GADL1: variants seen among roughly 807,000 people sequenced by gnomAD.
The protein encoded by GADL1 is GAD like acidic amino acid decarboxylase 1, also known as acidic amino acid decarboxylase GADL1.
A neutral mutation model predicts 69.5 loss-of-function variants in GADL1; 71 were observed. That is an observed-to-expected ratio of 1.02 (90% CI 0.84 to 1.25). The LOEUF (loss-of-function observed/expected upper bound fraction) is 1.25. GADL1 is among the 50% of genes most tolerant of loss of function. The probability of loss-of-function intolerance (pLI) is 0.00; values close to 1 mark genes in which losing one functional copy is unlikely to be tolerated. For synonymous variants in GADL1, 254 were observed against 214.4 expected (o/e 1.18, Z -1.62); for missense variants, 737 against 631.8 (o/e 1.17, Z -1.79).
At chr3:30,877,610 T>A (rs933186702) in intron 1 of GADL1, among the ~76,000 whole-genome samples, 2 of 151,896 alleles carry the variant, frequency 1.3e-5, no homozygotes, top group African/African-American at 2.4e-5. Context: ...AAAAATCAGA[T>A]ACATCATAAA....
intron 1 of GADL1, among the ~76,000 whole-genome samples, chr3:30,867,425 T>TA (rs773506016): frequency 7.0e-6 from 1 of 141,856 alleles, no homozygotes; most frequent in Non-Finnish European, 1.5e-5. Flanking sequence ...CAATACTACA[T>TA]ATATATATAT....
intron 13 of GADL1, chr3:30,779,205 A>G (rs891127254): frequency 6.6e-6 from 1 of 152,226 alleles, no homozygotes; most frequent in Non-Finnish European, 1.5e-5. Flanking sequence ...GATCTGGGAC[A>G]TTATGTTGGG....
intron 9 of GADL1, among the ~76,000 whole-genome samples, chr3:30,837,550 GC>G (rs756960469): frequency 6.6e-6 from 1 of 152,044 alleles, no homozygotes; most frequent in Non-Finnish European, 1.5e-5. Flanking sequence ...TTTTCTCTAA[GC>G]CCCATAAATC....
intron 12 of GADL1, chr3:30,797,681 G>GT (rs1697071952): frequency 4.1e-5 from 5 of 121,742 alleles, no homozygotes; most frequent in Non-Finnish European, 9.6e-5. Context: ...TTTTTTTTTT[G>GT]TTTTTTAAAC....
chr3:30,801,795 T>C (rs762470183), intron 11 of GADL1, among the ~76,000 whole-genome samples: 1 of 152,220 alleles, frequency 6.6e-6, no homozygotes, highest in Admixed American at 6.5e-5. Flanking sequence ...GTTGAAGCCA[T>C]GTTGTCTTCA....
At chr3:30,804,377 G>A (rs1051404662) in intron 11 of GADL1, among the ~76,000 whole-genome samples, 15 of 152,266 alleles carry the variant, frequency 9.9e-5, no homozygotes, top group African/African-American at 3.4e-4. Context: ...TTCTGCTGGT[G>A]GTGCTACTAA....
intron 12 of GADL1, among the ~76,000 whole-genome samples, chr3:30,791,378 A>G (rs1696910428): frequency 6.6e-6 from 1 of 152,156 alleles, no homozygotes; most frequent in African/African-American, 2.4e-5. Flanking sequence ...GAAGATTCTA[A>G]TTGTGCAGCT....
At chr3:30,810,112 T>C (rs769537598) in intron 11 of GADL1, among the ~76,000 whole-genome samples, 4 of 152,162 alleles carry the variant, frequency 2.6e-5, no homozygotes, top group Admixed American at 6.5e-5. Flanking sequence ...CATTTTGACA[T>C]CTCCTTTCCT....
intron 13 of GADL1, among the ~76,000 whole-genome samples, chr3:30,783,884 T>TA: frequency 6.6e-6 from 1 of 152,116 alleles, no homozygotes; most frequent in Non-Finnish European, 1.5e-5. Context: ...TTAGGAAGAA[T>TA]ATATAAAGAA....
chr3:30,820,409 T>C (rs1187532901), intron 11 of GADL1, among the ~76,000 whole-genome samples: 1 of 152,052 alleles, frequency 6.6e-6, no homozygotes, highest in Non-Finnish European at 1.5e-5. Flanking sequence ...GATATTAGAA[T>C]GAAAAAATGA....
chr3:30,882,456 C>G (rs1324500825), intron 1 of GADL1, among the ~76,000 whole-genome samples: 1 of 151,940 alleles, frequency 6.6e-6, no homozygotes, highest in South Asian at 2.1e-4. Flanking sequence ...TGACTGACTT[C>G]ACTCTGCATA....
At chr3:30,844,303 T>A in intron 7 of GADL1, 39 bp from the exon 8 acceptor site, 1 of 1,585,618 alleles carries the variant, frequency 6.3e-7, no homozygotes, top group Non-Finnish European at 8.7e-7. Context: ...TTATGTTTAG[T>A]AATTAACAGA....
intron 14 of GADL1, among the ~76,000 whole-genome samples, chr3:30,731,541 C>A (rs76147930): frequency 6.6e-6 from 1 of 152,138 alleles, no homozygotes; most frequent in African/African-American, 2.4e-5. Flanking sequence ...GAAGAGGGCA[C>A]CTCAGATGTT....
intron 1 of GADL1, among the ~76,000 whole-genome samples, chr3:30,867,452 A>G (rs1698420494): frequency 6.8e-6 from 1 of 146,646 alleles, no homozygotes; most frequent in South Asian, 2.1e-4. Flanking sequence ...ACATATATGT[A>G]TATATATACA....
chr3:30,839,528 GGT>G (rs1491551769), intron 8 of GADL1, among the ~76,000 whole-genome samples: 11 of 60,430 alleles, frequency 1.8e-4, no homozygotes, highest in African/African-American at 1.8e-3. Flanking sequence ...AAAAAAAAAA[GGT>G]TGGAAGACAG....
At chr3:30,877,759 T>C (rs950418026) in intron 1 of GADL1, among the ~76,000 whole-genome samples, 1 of 151,938 alleles carries the variant, frequency 6.6e-6, no homozygotes, top group African/African-American at 2.4e-5. Flanking sequence ...GATTTGACTT[T>C]TGTCTGTTAA....
chr3:30,858,093 C>T (rs1246049064), intron 2 of GADL1, among the ~76,000 whole-genome samples: 1 of 151,962 alleles, frequency 6.6e-6, no homozygotes, highest in African/African-American at 2.4e-5. Flanking sequence ...CACTTATCAC[C>T]CTCTAATATA....
intron 11 of GADL1, among the ~76,000 whole-genome samples, chr3:30,821,626 C>T (rs1697582288): frequency 6.6e-6 from 1 of 151,910 alleles, no homozygotes; most frequent in African/African-American, 2.4e-5. Flanking sequence ...GATGTTAAGT[C>T]TTCTCAAATT....
At chr3:30,737,808 C>A (rs759254532) in intron 14 of GADL1, among the ~76,000 whole-genome samples, 4 of 152,000 alleles carry the variant, frequency 2.6e-5, no homozygotes, top group Non-Finnish European at 4.4e-5. Flanking sequence ...ATCAGACATG[C>A]GCAAAATAAA....
Sources: gnomAD v4.1 joint callset for allele counts (sites outside exome capture counted in the v4.1 genomes callset) on GRCh38, gnomAD v4.1.1 for gene constraint, MANE v1.5 for transcripts, NCBI Gene and HGNC (gene_info 2026-07-23, HGNC 2026-07-21) for gene names.